The following NF1 variants were observed in gnomAD, a reference collection of about 807,000 sequenced individuals.
NF1 encodes the protein neurofibromin 1, also known as neurofibromin.
NF1 carries 122 observed loss-of-function variants against 325.7 expected under a neutral mutation model. That is an observed-to-expected ratio of 0.37 (90% CI 0.32 to 0.44). The LOEUF is 0.44. Ranked by LOEUF, NF1 falls within the 20% of genes least tolerant of loss-of-function variation. The pLI, the probability that NF1 is intolerant of heterozygous loss-of-function variation, is 1.00. For synonymous variants in NF1, 1,091 were observed against 1,186.0 expected (o/e 0.92, Z 1.65); for missense variants, 2,140 against 3,415.4 (o/e 0.63, Z 9.31).
chr17:31,294,729 A>G (rs2068424057), intron 36 of NF1: 1 of 469,096 alleles, frequency 2.1e-6, no homozygotes, highest in Non-Finnish European at 3.9e-6. Context: ...GATGCTTTAT[A>G]TTTTGTGCAA....
chr17:31,218,140 A>G (rs2066855384), intron 13 of NF1, among the ~76,000 whole-genome samples: 1 of 152,190 alleles, frequency 6.6e-6, no homozygotes, highest in South Asian at 2.1e-4. Context: ...CAGGATAATC[A>G]TGCAATCCTT....
chr17:31,350,848 A>G (rs948520061), intron 50 of NF1, among the ~76,000 whole-genome samples: 1 of 152,182 alleles, frequency 6.6e-6, no homozygotes, highest in Admixed American at 6.5e-5. Context: ...TTTCATGAAA[A>G]TGGCATCATT....
In NF1 at chr17:31,139,092, A is replaced by G. The variant is rs142233250; in HGVS notation, c.61-16891A>G. 3.5e-3 allele frequency among the ~76,000 whole-genome samples: 533 copies of G among 151,932 alleles called. 1 individual carries two copies. The highest frequency in any genetic ancestry group is 0.012 in the African/African-American group (514 of 41,446). On this transcript the variant is annotated intron_variant, in intron 1 of 57. Transcript: ENST00000358273. ...TGAGACAGTCTCATTCTCTCGCCCAAGCTAGAGTGCGGTGGCATGATCTCA... is the reference window on the plus strand; with the variant it reads ...TGAGACAGTCTCATTCTCTCGCCCAGGCTAGAGTGCGGTGGCATGATCTCA...
intron 4 of NF1, among the ~76,000 whole-genome samples, chr17:31,164,047 A>T (rs2065806763): frequency 6.6e-6 from 1 of 152,232 alleles, no homozygotes; most frequent in Admixed American, 6.5e-5. Flanking sequence ...TCATCCTCAC[A>T]GTAACCTTGA....
At chr17:31,304,241 G>A (rs1243293388) in intron 36 of NF1, 1 of 1,555,410 alleles carries the variant, frequency 6.4e-7, no homozygotes, top group Non-Finnish European at 8.7e-7. Context: ...TGGAAGATCA[G>A]CTAAAAAGCA....
intron 36 of NF1, among the ~76,000 whole-genome samples, chr17:31,300,298 A>G (rs1011532097): frequency 6.6e-6 from 1 of 151,882 alleles, no homozygotes; most frequent in Non-Finnish European, 1.5e-5. Context: ...AACTGTTTTT[A>G]TTAGTTTTTC....
chr17:31,346,273 C>G, intron 48 of NF1: 3 of 1,532,682 alleles, frequency 2.0e-6, no homozygotes, highest in Non-Finnish European at 2.7e-6. Flanking sequence ...AAATTAGAAG[C>G]TAGCTGAGGT....
chr17:31,354,582 A>G (rs1006284316), intron 51 of NF1, among the ~76,000 whole-genome samples: 1 of 152,246 alleles, frequency 6.6e-6, no homozygotes, highest in African/African-American at 2.4e-5. Flanking sequence ...TCTAGCAGCA[A>G]TGTGGAGAGA....
intron 17 of NF1, 110 bp from the exon 18 acceptor site, chr17:31,226,325 A>ACC (rs1254150073): frequency 8.9e-7 from 1 of 1,118,104 alleles, no homozygotes; most frequent in Non-Finnish European, 1.3e-6. Flanking sequence ...GGAGACACAC[A>ACC]CACACACACA....
At chr17:31,214,391 G>A (rs1268576548) in intron 12 of NF1, 60 bp from the exon 13 acceptor site, 1 of 1,327,410 alleles carries the variant, frequency 7.5e-7, no homozygotes. Context: ...TCTTTTAAAA[G>A]GTTGGATAGC....
At chr17:31,096,042 G>A (rs1911677041) in intron 1 of NF1, among the ~76,000 whole-genome samples, 1 of 151,480 alleles carries the variant, frequency 6.6e-6, no homozygotes, top group South Asian at 2.1e-4. Flanking sequence ...ATATCCTGAT[G>A]ACACAGACTG....
At chr17:31,350,145 T>G (rs768496641) in intron 49 of NF1, 38 bp from the exon 50 acceptor site, 26 of 1,612,964 alleles carry the variant, frequency 1.6e-5, no homozygotes, top group Non-Finnish European at 2.0e-5. Flanking sequence ...CACTTGTGAT[T>G]TGTTAAATTT....
intron 21 of NF1, 114 bp downstream of exon 21, chr17:31,229,579 A>G: frequency 7.7e-7 from 1 of 1,304,852 alleles, no homozygotes; most frequent in Non-Finnish European, 1.1e-6. Flanking sequence ...AAAAATTTCC[A>G]AAAAATTGCA....
At chr17:31,150,300 C>A (rs1916841862) in intron 1 of NF1, among the ~76,000 whole-genome samples, 1 of 151,986 alleles carries the variant, frequency 6.6e-6, no homozygotes. Flanking sequence ...TACAAATTAC[C>A]CTTTAGACCA....
intron 57 of NF1, chr17:31,362,213 G>A: frequency 1.5e-6 from 1 of 662,146 alleles, no homozygotes; most frequent in Middle Eastern, 7.5e-4. Flanking sequence ...CCTGGGGTCT[G>A]CTTCTGGTCT....
At chr17:31,123,764 C>G (rs1428232355) in intron 1 of NF1, among the ~76,000 whole-genome samples, 1 of 152,194 alleles carries the variant, frequency 6.6e-6, no homozygotes, top group African/African-American at 2.4e-5. Context: ...AAACTTACTT[C>G]TCACAATTCT....
chr17:31,313,848 A>C (rs1213103617), intron 36 of NF1: 2 of 389,968 alleles, frequency 5.1e-6, no homozygotes, highest in Admixed American at 8.9e-5. Context: ...AATTCTATGC[A>C]ACAAAACCAC....
chr17:31,184,517 C>T (rs900283798), intron 8 of NF1, among the ~76,000 whole-genome samples: 6 of 150,856 alleles, frequency 4.0e-5, no homozygotes, highest in South Asian at 2.1e-4. Flanking sequence ...GGCGAGGTGG[C>T]GGGCGCCTGT....
In NF1 at chr17:31,337,578, T is replaced by C. The variant is rs1189203506; in HGVS notation, c.6638T>C (p.Met2213Thr). The C allele has an allele frequency of 6.2e-7, 1 of 1,613,828 alleles. No individual in the cohort carries two copies. The highest frequency in any genetic ancestry group is 8.5e-7 in the Non-Finnish European group (1 of 1,179,874). ...ETVTEALLEI[M>T]EACMRDIPTC... ...GTCACAGAAGCTTTGTTGGAGATCA[T>C]GGAGGTATAGAAGCCAAAATGATAA... Residue 2213 changes from methionine to threonine, a missense_variant, in exon 43 of 58, where the codon ATG (methionine) becomes ACG (threonine). Transcript: ENST00000358273.
Sources: gnomAD v4.1 joint callset for allele counts (sites outside exome capture counted in the v4.1 genomes callset) on GRCh38, gnomAD v4.1.1 for gene constraint, MANE v1.5 for transcripts, NCBI Gene and HGNC (gene_info 2026-07-23, HGNC 2026-07-21) for gene names.